NRG1: variants seen among roughly 807,000 people sequenced by gnomAD.
NRG1 encodes the protein neuregulin 1.
Under a neutral mutation model 63.8 loss-of-function variants are expected in NRG1, and 18 were observed. The observed-to-expected ratio is 0.28, with a 90% CI of 0.19 to 0.42. The LOEUF is 0.42. NRG1 is among the 10% of genes least tolerant of loss of function. NRG1 has a pLI of 1.00. For synonymous variants in NRG1, 302 were observed against 301.3 expected, an observed-to-expected ratio of 1.00 and a Z score of -0.02; for missense variants, 762 against 814.7, an observed-to-expected ratio of 0.94 and a Z score of 0.79.
chr8:32,741,335 TA>T (rs548727436), intron 6 of NRG1, among the ~76,000 whole-genome samples: 192 of 152,344 alleles, frequency 1.3e-3, no homozygotes, highest in African/African-American at 4.4e-3. Context: ...ATAACTGATC[TA>T]AATTTTAAAA....
chr8:32,560,600 A>G (rs1269237190), intron 1 of NRG1, among the ~76,000 whole-genome samples: 5 of 152,190 alleles, frequency 3.3e-5, no homozygotes, highest in Non-Finnish European at 5.9e-5. Flanking sequence ...TATGAGTGCA[A>G]TTCAGCAGTA....
At chr8:32,454,374 A>G (rs549210803) in intron 1 of NRG1, among the ~76,000 whole-genome samples, 16 of 152,274 alleles carry the variant, frequency 1.1e-4, no homozygotes, top group Admixed American at 8.5e-4. Flanking sequence ...CCACTCATGT[A>G]TGGCCTTTAC....
chr8:31,829,831 G>A (rs1824934569), intron 1 of NRG1, among the ~76,000 whole-genome samples: 1 of 152,178 alleles, frequency 6.6e-6, no homozygotes, highest in Non-Finnish European at 1.5e-5. Flanking sequence ...AGGTGGGCTG[G>A]CCACGAGAGC....
At chr8:32,273,811 C>T (rs925498435) in intron 1 of NRG1, among the ~76,000 whole-genome samples, 1 of 152,118 alleles carries the variant, frequency 6.6e-6, no homozygotes, top group Admixed American at 6.5e-5. Flanking sequence ...CAGAAATATG[C>T]TGGATGTGTT....
At chr8:32,547,437 T>C (rs1833188211), upstream of NRG1, among the ~76,000 whole-genome samples, 1 of 152,188 alleles carries the variant, frequency 6.6e-6, no homozygotes, top group South Asian at 2.1e-4. Flanking sequence ...CTGCAGTAAT[T>C]TTAATTATTC....
intron 5 of NRG1, among the ~76,000 whole-genome samples, chr8:32,681,180 T>G (rs951655065): frequency 3.3e-5 from 5 of 152,164 alleles, no homozygotes; most frequent in Non-Finnish European, 7.4e-5. Flanking sequence ...ATGAAAGTTT[T>G]CTGGTAATCT....
intron 1 of NRG1, among the ~76,000 whole-genome samples, chr8:32,260,763 T>C: frequency 6.6e-6 from 1 of 152,190 alleles, no homozygotes; most frequent in East Asian, 1.9e-4. Context: ...TCATGCTCTC[T>C]GTGACTCAGG....
chr8:32,647,654 T>TG lies in NRG1; in HGVS notation c.502+30776dup, dbSNP rs551988053. ...CCTGTAAGATGCTGTATCATTTGGT[T>TG]GGGGGGGCCTCTGCGTGGTAATGGA... is the stretch of plus-strand genomic sequence containing the variant. On this transcript the variant is annotated intron_variant, in intron 5 of 11. Transcript: ENST00000356819. 6.7e-5 allele frequency: 100 copies of TG among 1,497,678 alleles called. 1 individual carries two copies. The highest frequency in any genetic ancestry group is 7.3e-5 in the Non-Finnish European group (82 of 1,128,828). The allele number at this position is 1,497,678 out of a possible 1,614,324, so 92.8% of individuals were successfully genotyped here.
chr8:32,171,497 G>C lies in NRG1; in HGVS notation c.38-424331G>C, dbSNP rs374559916. On this transcript the variant is annotated intron_variant, in intron 1 of 10. Transcript: ENST00000519301. Reference sequence around the variant, plus strand: ...CTCACTGGGGAATGTTGGAAAGTGGGTGCAGGACAGTGGGTGCAGCGCACC... The same window carrying C: ...CTCACTGGGGAATGTTGGAAAGTGGCTGCAGGACAGTGGGTGCAGCGCACC... The C allele has an allele frequency of 7.9e-5, 12 of 152,548 alleles. No individual in the cohort carries two copies. In the East Asian group the frequency reaches 1.7e-3, roughly 22 times the overall value. 9.4% of individuals were successfully genotyped at this position (152,548 alleles called of 1,614,324 possible). A position where few individuals can be genotyped will look rare whatever the true frequency, so the allele number is the denominator to read the frequency against.
chr8:32,767,948 A>T (rs1289243239), exon 12 of NRG1: 2 of 152,226 alleles, frequency 1.3e-5, no homozygotes, highest in Non-Finnish European at 2.9e-5. Flanking sequence ...TAAAAATGCT[A>T]CTCTGTGGAG....
chr8:32,345,862 G>T (rs369766546), intron 1 of NRG1, among the ~76,000 whole-genome samples: 12 of 151,708 alleles, frequency 7.9e-5, no homozygotes, highest in African/African-American at 2.7e-4. Flanking sequence ...ACAAAAATTA[G>T]CTGGGCATGG....
chr8:31,814,773 T>C (rs1253747381), intron 1 of NRG1, among the ~76,000 whole-genome samples: 1 of 151,940 alleles, frequency 6.6e-6, no homozygotes, highest in Non-Finnish European at 1.5e-5. Flanking sequence ...AATGTTTTCA[T>C]TTATCTGCAA....
At chr8:32,448,864 T>C (rs1479103760) in intron 1 of NRG1, among the ~76,000 whole-genome samples, 2 of 152,176 alleles carry the variant, frequency 1.3e-5, no homozygotes, top group Non-Finnish European at 1.5e-5. Context: ...GTCATCATCA[T>C]GTTGAATTAT....
intron 5 of NRG1, among the ~76,000 whole-genome samples, chr8:32,622,197 G>T (rs1848461018): frequency 6.6e-6 from 1 of 152,116 alleles, no homozygotes; most frequent in African/African-American, 2.4e-5. Context: ...TGAGCAAATT[G>T]ATCATTTGAG....
At chr8:32,753,733 A>T (rs1829161664) in intron 7 of NRG1, among the ~76,000 whole-genome samples, 1 of 152,184 alleles carries the variant, frequency 6.6e-6, no homozygotes, top group African/African-American at 2.4e-5. Flanking sequence ...CTGTTAAATC[A>T]CAGAGAGCCT....
chr8:32,177,120 C>T (rs111589352), intron 1 of NRG1, among the ~76,000 whole-genome samples: 13,443 of 152,066 alleles, frequency 0.088, 810 homozygotes, highest in African/African-American at 0.17. Flanking sequence ...AAATGTGGCA[C>T]ATATACACCA....
intron 1 of NRG1, among the ~76,000 whole-genome samples, chr8:31,804,238 T>C (rs933299538): frequency 6.6e-6 from 1 of 152,210 alleles, no homozygotes; most frequent in African/African-American, 2.4e-5. Flanking sequence ...AGTTCAGTAA[T>C]ACTGGCCTCT....
chr8:31,973,690 A>T (rs1807677635), intron 1 of NRG1, among the ~76,000 whole-genome samples: 1 of 152,316 alleles, frequency 6.6e-6, no homozygotes, highest in Non-Finnish European at 1.5e-5. Flanking sequence ...ACATACTACA[A>T]CATAAGATAA....
At chr8:32,070,203 A>T (rs1409159298) in intron 1 of NRG1, among the ~76,000 whole-genome samples, 1 of 152,196 alleles carries the variant, frequency 6.6e-6, no homozygotes, top group Non-Finnish European at 1.5e-5. Flanking sequence ...TGGAAGTCAG[A>T]GCGGTACAAA....
Sources: gnomAD v4.1 joint callset for allele counts (sites outside exome capture counted in the v4.1 genomes callset) on GRCh38, gnomAD v4.1.1 for gene constraint, MANE v1.5 for transcripts, NCBI Gene and HGNC (gene_info 2026-07-23, HGNC 2026-07-21) for gene names.